Variants in ZC3H12B observed in about 807,000 individuals in gnomAD.
ZC3H12B encodes probable ribonuclease ZC3H12B.
ZC3H12B carries 7 observed loss-of-function variants against 43.9 expected under a neutral mutation model. The ratio of observed to expected loss-of-function variants is 0.16; its 90% CI spans 0.09 to 0.30. ZC3H12B has a LOEUF of 0.30. Ranked by LOEUF, ZC3H12B falls within the 10% of genes least tolerant of loss-of-function variation. The probability of loss-of-function intolerance (pLI) is 1.00; values close to 1 mark genes in which losing one functional copy is unlikely to be tolerated. For synonymous variants in ZC3H12B, 222 were observed against 241.7 expected (o/e 0.92, Z 0.76); for missense variants, 475 against 670.2 (o/e 0.71, Z 3.22).
chrX:65,434,100 G>A (rs1182400250), intron 3 of ZC3H12B, among the ~76,000 whole-genome samples: 2 of 111,523 alleles, frequency 1.8e-5, no homozygotes, highest in African/African-American at 6.5e-5. Flanking sequence ...TTTGGCAGTT[G>A]AGTGCTGCTA....
At chrX:65,470,917 T>A (rs755381990) in intron 3 of ZC3H12B, among the ~76,000 whole-genome samples, 4 of 112,484 alleles carry the variant, frequency 3.6e-5, no homozygotes, top group Non-Finnish European at 7.5e-5. Context: ...TTGATTTTTT[T>A]AAATGTATTG....
At chrX:65,111,537 ATTTT>A in the ZC3H12B span, among the ~76,000 whole-genome samples, 1 of 94,008 alleles carries the variant, frequency 1.1e-5, no homozygotes, top group Non-Finnish European at 1.9e-5. Context: ...TGCAATTTTT[ATTTT>A]TTTATTTTTT....
chrX:65,080,378 T>A, the ZC3H12B span, among the ~76,000 whole-genome samples: 1 of 109,257 alleles, frequency 9.2e-6, no homozygotes, highest in Admixed American at 9.7e-5. Flanking sequence ...ATACAAGAAG[T>A]TTATAGAACA....
At chrX:65,161,491 G>C in the ZC3H12B span, among the ~76,000 whole-genome samples, 1 of 111,866 alleles carries the variant, frequency 8.9e-6, no homozygotes, top group East Asian at 2.8e-4. Context: ...TCTTCTTGTT[G>C]AATTGATCCC....
chrX:65,069,925 G>A, the ZC3H12B span, among the ~76,000 whole-genome samples: 1 of 111,055 alleles, frequency 9.0e-6, no homozygotes, highest in African/African-American at 3.3e-5. Context: ...TTGTGTTTCT[G>A]CCAGGCTTTG....
chrX:65,336,833 C>T, the ZC3H12B span, among the ~76,000 whole-genome samples: 1 of 112,392 alleles, frequency 8.9e-6, no homozygotes, highest in South Asian at 3.7e-4. Flanking sequence ...TGGGAAGAAG[C>T]AAAGCTCCCA....
At chrX:65,255,211 G>T in the ZC3H12B span, among the ~76,000 whole-genome samples, 5 of 111,043 alleles carry the variant, frequency 4.5e-5, no homozygotes, top group Admixed American at 4.8e-4. Flanking sequence ...GAAAACCCCT[G>T]TGAGGTACTA....
At chrX:65,400,027 C>A (rs1327942254) in intron 3 of ZC3H12B, among the ~76,000 whole-genome samples, 2 of 110,648 alleles carry the variant, frequency 1.8e-5, no homozygotes, top group Non-Finnish European at 3.8e-5. Flanking sequence ...GTACAAGAGG[C>A]TGGGAATGGT....
chrX:65,489,268 G>C (rs766498341), exon 1 of ZC3H12B: 1 of 1,209,857 alleles, frequency 8.3e-7, no homozygotes, highest in East Asian at 3.0e-5. Flanking sequence ...GATTCAGAAG[G>C]GCAGATCAAC....
intron 3 of ZC3H12B, among the ~76,000 whole-genome samples, chrX:65,441,376 C>T (rs2067299206): frequency 8.9e-6 from 1 of 112,137 alleles, no homozygotes; most frequent in East Asian, 2.8e-4. Flanking sequence ...AATGTCTGCT[C>T]TTGTATCTAC....
chrX:65,391,538 G>C (rs1017451499), intron 2 of ZC3H12B, among the ~76,000 whole-genome samples: 1 of 111,286 alleles, frequency 9.0e-6, no homozygotes, highest in Non-Finnish European at 1.9e-5. Context: ...GAGGCTATGA[G>C]CCAGTGGGGG....
chrX:65,302,365 A>G, the ZC3H12B span, among the ~76,000 whole-genome samples: 117 of 111,611 alleles, frequency 1.0e-3, no homozygotes, highest in African/African-American at 3.3e-3. Flanking sequence ...GCTTTCCTAC[A>G]TCTCATGAAT....
the ZC3H12B span, among the ~76,000 whole-genome samples, chrX:65,353,161 A>C: frequency 2.7e-5 from 3 of 111,368 alleles, no homozygotes; most frequent in Admixed American, 9.5e-5. Flanking sequence ...TGTGGGCGAT[A>C]AGTGATCTTT....
the ZC3H12B span, among the ~76,000 whole-genome samples, chrX:65,322,686 G>A: frequency 3.6e-5 from 4 of 111,773 alleles, no homozygotes; most frequent in African/African-American, 1.3e-4. Context: ...GATTTCACCA[G>A]CTTTGTTCTT....
the ZC3H12B span, among the ~76,000 whole-genome samples, chrX:65,276,533 A>T: frequency 4.5e-5 from 5 of 112,085 alleles, no homozygotes; most frequent in Non-Finnish European, 9.4e-5. Context: ...GGATAAAGTG[A>T]GATGATATAT....
At chrX:65,164,801 C>A in the ZC3H12B span, among the ~76,000 whole-genome samples, 1 of 111,774 alleles carries the variant, frequency 8.9e-6, no homozygotes, top group East Asian at 2.8e-4. Flanking sequence ...TGGCAATTTC[C>A]CCTCAAAAGT....
chrX:65,170,363 C>G, the ZC3H12B span, among the ~76,000 whole-genome samples: 1 of 111,855 alleles, frequency 8.9e-6, no homozygotes, highest in South Asian at 3.7e-4. Flanking sequence ...ATATTTGCCC[C>G]CACTGTCTTC....
the ZC3H12B span, among the ~76,000 whole-genome samples, chrX:65,245,613 C>T: frequency 5.4e-5 from 6 of 111,418 alleles, no homozygotes; most frequent in East Asian, 5.6e-4. Context: ...TCGATAGATG[C>T]GGAAAAGGCT....
the ZC3H12B span, among the ~76,000 whole-genome samples, chrX:65,211,480 T>A: frequency 9.4e-6 from 1 of 106,636 alleles, no homozygotes; most frequent in Non-Finnish European, 1.9e-5. Flanking sequence ...TATTGTTTAA[T>A]CTTCACAACA....
Sources: allele counts gnomAD v4.1 joint callset (sites outside exome capture counted in the v4.1 genomes callset), GRCh38; gene constraint gnomAD v4.1.1; transcripts MANE v1.5; gene names NCBI Gene and HGNC (gene_info 2026-07-23, HGNC 2026-07-21).